Variants in SGCD observed in about 807,000 individuals in gnomAD.
The protein encoded by SGCD is delta-sarcoglycan.
A neutral mutation model predicts 36.6 loss-of-function variants in SGCD; 18 were observed. That is an observed-to-expected ratio of 0.49 (90% CI 0.34 to 0.73). The LOEUF (loss-of-function observed/expected upper bound fraction) is 0.73, where lower values mean the gene tolerates loss of function less well. Among genes scored for constraint, SGCD ranks in the 30% least tolerant of loss-of-function variants. The pLI is 0.01. For missense variants in SGCD, 387 were observed against 346.7 expected, an observed-to-expected ratio of 1.12 and a Z score of -0.92; for synonymous variants, 133 against 130.6, an observed-to-expected ratio of 1.02 and a Z score of -0.12.
chr5:156,412,971 G>T (rs943942843), intron 3 of SGCD, among the ~76,000 whole-genome samples: 3 of 150,674 alleles, frequency 2.0e-5, no homozygotes, highest in Non-Finnish European at 4.4e-5. Context: ...AATTTTTTTT[G>T]TATTTTTAGT....
intron 3 of SGCD, among the ~76,000 whole-genome samples, chr5:156,191,769 C>A (rs566885519): frequency 1.1e-4 from 17 of 152,196 alleles, no homozygotes; most frequent in African/African-American, 3.9e-4. Flanking sequence ...GGGATGCAAC[C>A]AATGGGTCTT....
At chr5:156,079,032 A>AAAG (rs562568630) in intron 1 of SGCD, among the ~76,000 whole-genome samples, 9,343 of 151,054 alleles carry the variant, frequency 0.062, 959 homozygotes, top group African/African-American at 0.21. Flanking sequence ...AAAAAAAAAA[A>AAAG]AAAAAGAAAA....
chr5:155,901,386 A>G (rs1046531552), intron 1 of SGCD, among the ~76,000 whole-genome samples: 1 of 152,170 alleles, frequency 6.6e-6, no homozygotes, highest in Non-Finnish European at 1.5e-5. Context: ...CCCATCAAAA[A>G]GATGCACTAT....
intron 4 of SGCD, among the ~76,000 whole-genome samples, chr5:156,558,301 C>A (rs1759125103): frequency 6.6e-6 from 1 of 151,614 alleles, no homozygotes; most frequent in Non-Finnish European, 1.5e-5. Context: ...CCTCCTTCCT[C>A]CATTGGTGGA....
intron 3 of SGCD, among the ~76,000 whole-genome samples, chr5:156,213,631 C>T (rs1012124192): frequency 4.6e-5 from 7 of 151,894 alleles, no homozygotes; most frequent in South Asian, 2.1e-4. Context: ...ACAGCATTAC[C>T]GTGATATTAA....
At chr5:155,866,529 A>G (rs165952), upstream of SGCD, among the ~76,000 whole-genome samples, 82,912 of 152,002 alleles carry the variant, frequency 0.55, 24,605 homozygotes, top group African/African-American at 0.78. Context: ...GCTGTATGTA[A>G]TATGTGTTTT....
At chr5:156,283,594 A>C (rs970117738) in intron 3 of SGCD, among the ~76,000 whole-genome samples, 2 of 152,168 alleles carry the variant, frequency 1.3e-5, no homozygotes, top group Admixed American at 1.3e-4. Context: ...AGCATTGCCC[A>C]GTGCATTCTT....
intron 3 of SGCD, among the ~76,000 whole-genome samples, chr5:156,181,364 C>T (rs796096741): frequency 6.6e-5 from 10 of 152,288 alleles, no homozygotes; most frequent in African/African-American, 2.4e-4. Flanking sequence ...GACTAAAAAA[C>T]TTGCTATCAT....
chr5:156,139,355 G>A (rs571164500), intron 3 of SGCD, among the ~76,000 whole-genome samples: 38 of 103,730 alleles, frequency 3.7e-4, no homozygotes, highest in African/African-American at 1.8e-3. Flanking sequence ...TGTAGTTTGG[G>A]CTTTTACAGT....
chr5:156,297,082 G>A (rs1766917009), intron 3 of SGCD, among the ~76,000 whole-genome samples: 2 of 151,678 alleles, frequency 1.3e-5, no homozygotes, highest in Admixed American at 6.6e-5. Context: ...GACATACAAT[G>A]CATAATAATT....
chr5:156,408,512 A>G (rs1181984884), intron 3 of SGCD, among the ~76,000 whole-genome samples: 1 of 151,926 alleles, frequency 6.6e-6, no homozygotes, highest in African/African-American at 2.4e-5. Flanking sequence ...GCATGTGCCA[A>G]CACACCCAGC....
chr5:156,403,017 G>T (rs1201737385), intron 3 of SGCD, among the ~76,000 whole-genome samples: 6 of 152,202 alleles, frequency 3.9e-5, no homozygotes, highest in Admixed American at 3.9e-4. Flanking sequence ...GATAGCAGAA[G>T]TTAGGTATTA....
intron 6 of SGCD, among the ~76,000 whole-genome samples, chr5:156,620,154 A>G (rs1336691284): frequency 6.6e-6 from 1 of 152,214 alleles, no homozygotes; most frequent in Admixed American, 6.5e-5. Context: ...AAGTTTATCA[A>G]TCTCTGAAAG....
chr5:155,829,816 A>T, the SGCD span, among the ~76,000 whole-genome samples: 1 of 152,134 alleles, frequency 6.6e-6, no homozygotes, highest in African/African-American at 2.4e-5. Flanking sequence ...GTATTAGAGG[A>T]TTGAGTGAGA....
chr5:155,944,857 A>G (rs1233450110), intron 1 of SGCD, among the ~76,000 whole-genome samples: 1 of 152,092 alleles, frequency 6.6e-6, no homozygotes, highest in Admixed American at 6.6e-5. Flanking sequence ...TAATCTTTAA[A>G]TACATGATCT....
Position 156,578,517 on chromosome 5 carries a change from G to T in SGCD, c.295-10714G>T, listed in dbSNP as rs1581197868. 2.0e-5 allele frequency among the ~76,000 whole-genome samples: 3 copies of T among 152,188 alleles called. 1 individual carries two copies. The highest frequency in any genetic ancestry group is 3.8e-4 in the East Asian group (2 of 5,198). On this transcript the variant is annotated intron_variant, in intron 4 of 8. Coordinates refer to ENST00000337851, the MANE Select transcript of SGCD (RefSeq NM_000337.6). ...CCAGCTCCTCTTTGTACCTCTGGAA[G>T]AATTCAGCTGTGAATCCATCTGGTC... is the stretch of plus-strand genomic sequence containing the variant.
chr5:155,778,786 A>G, the SGCD span, among the ~76,000 whole-genome samples: 2 of 152,184 alleles, frequency 1.3e-5, no homozygotes, highest in African/African-American at 4.8e-5. Flanking sequence ...TGATTCTGAA[A>G]CATATTACTA....
intron 3 of SGCD, among the ~76,000 whole-genome samples, chr5:156,462,594 G>A (rs980202288): frequency 6.6e-6 from 1 of 152,180 alleles, no homozygotes. Context: ...TTAGAATTAT[G>A]TATAGAAGAG....
At chr5:156,497,815 C>A (rs746038485) in intron 3 of SGCD, among the ~76,000 whole-genome samples, 4 of 152,100 alleles carry the variant, frequency 2.6e-5, no homozygotes, top group African/African-American at 9.7e-5. Flanking sequence ...AAAGGATCAG[C>A]AGCTGTGACC....
Sources: gnomAD v4.1 joint callset for allele counts (sites outside exome capture counted in the v4.1 genomes callset) on GRCh38, gnomAD v4.1.1 for gene constraint, MANE v1.5 for transcripts, NCBI Gene and HGNC (gene_info 2026-07-23, HGNC 2026-07-21) for gene names.